Variants in TCERG1L observed in about 807,000 individuals in gnomAD.
TCERG1L encodes transcription elongation regulator 1-like protein.
TCERG1L carries 37 observed loss-of-function variants against 56.3 expected under a neutral mutation model. The observed-to-expected ratio is 0.66, with a 90% CI of 0.51 to 0.87. The LOEUF (loss-of-function observed/expected upper bound fraction) is 0.87. Ranked by LOEUF, TCERG1L falls within the 40% of genes least tolerant of loss-of-function variation. TCERG1L has a pLI of 0.00. For missense variants in TCERG1L, 799 were observed against 774.2 expected, an observed-to-expected ratio of 1.03 and a Z score of -0.38; for synonymous variants, 324 against 326.3, an observed-to-expected ratio of 0.99 and a Z score of 0.08.
At chr10:131,303,837 G>A (rs769427977) in intron 3 of TCERG1L, among the ~76,000 whole-genome samples, 4 of 151,820 alleles carry the variant, frequency 2.6e-5, no homozygotes, top group African/African-American at 9.7e-5. Context: ...ACTCTCTTTC[G>A]AGTTTATCTT....
At chr10:131,149,521 C>T (rs12240825) in intron 6 of TCERG1L, among the ~76,000 whole-genome samples, 30,684 of 152,108 alleles carry the variant, frequency 0.2, 3,437 homozygotes, top group East Asian at 0.35. Flanking sequence ...CACAATTCAG[C>T]TACTATATGA....
intron 4 of TCERG1L, among the ~76,000 whole-genome samples, chr10:131,239,988 C>A (rs1042578222): frequency 6.6e-6 from 1 of 152,142 alleles, no homozygotes; most frequent in Non-Finnish European, 1.5e-5. Context: ...CTTGTTCAGG[C>A]ACACACCCCG....
chr10:131,128,223 T>C (rs554095791), intron 8 of TCERG1L, among the ~76,000 whole-genome samples: 1 of 151,786 alleles, frequency 6.6e-6, no homozygotes, highest in South Asian at 2.1e-4. Flanking sequence ...ATAGAAGGAA[T>C]AGAAAGTGGG....
chr10:131,168,355 G>A (rs767873810), intron 4 of TCERG1L, among the ~76,000 whole-genome samples: 39 of 152,184 alleles, frequency 2.6e-4, no homozygotes, highest in Non-Finnish European at 4.7e-4. Flanking sequence ...GATTTGCATA[G>A]CTCTGCATGG....
At chr10:131,106,183 T>C (rs910446464) in intron 9 of TCERG1L, among the ~76,000 whole-genome samples, 18 of 152,240 alleles carry the variant, frequency 1.2e-4, no homozygotes, top group African/African-American at 3.4e-4. Flanking sequence ...TTTAAAAACA[T>C]GGACTATGTA....
intron 6 of TCERG1L, among the ~76,000 whole-genome samples, chr10:131,156,822 C>T (rs1845928393): frequency 6.6e-6 from 1 of 152,102 alleles, no homozygotes; most frequent in South Asian, 2.1e-4. Context: ...GTTGTGAGCC[C>T]TTAAAAGGGA....
chr10:131,304,164 A>AC (rs1218783033), intron 3 of TCERG1L, among the ~76,000 whole-genome samples: 1 of 152,026 alleles, frequency 6.6e-6, no homozygotes, highest in Admixed American at 6.5e-5. Context: ...AGGCAACGGG[A>AC]CATGGACAAC....
At chr10:131,302,535 T>G (rs1052147700) in intron 3 of TCERG1L, among the ~76,000 whole-genome samples, 13 of 152,028 alleles carry the variant, frequency 8.6e-5, no homozygotes, top group Admixed American at 3.3e-4. Flanking sequence ...CCATCTTTGG[T>G]AGGAGAAAAT....
chr10:131,114,915 C>T (rs1172004247), intron 9 of TCERG1L, among the ~76,000 whole-genome samples: 1 of 152,260 alleles, frequency 6.6e-6, no homozygotes. Flanking sequence ...GCCAGCCTGG[C>T]CAGGCCTATT....
intron 3 of TCERG1L, among the ~76,000 whole-genome samples, chr10:131,277,953 C>G (rs1846410471): frequency 6.6e-6 from 1 of 152,118 alleles, no homozygotes; most frequent in Non-Finnish European, 1.5e-5. Flanking sequence ...ATCCTGAGCT[C>G]TGGATTTCAT....
At chr10:131,273,384 C>A (rs992040863) in intron 3 of TCERG1L, among the ~76,000 whole-genome samples, 1 of 152,330 alleles carries the variant, frequency 6.6e-6, no homozygotes, top group Non-Finnish European at 1.5e-5. Flanking sequence ...TCCCAAAGCA[C>A]TCGCCTGCCT....
intron 4 of TCERG1L, among the ~76,000 whole-genome samples, chr10:131,196,641 C>T (rs945879671): frequency 4.6e-5 from 7 of 152,162 alleles, no homozygotes; most frequent in African/African-American, 9.7e-5. Context: ...CCCTGGAGCT[C>T]GGAGGCCACC....
Position 131,209,011 on chromosome 10 carries a change from T to C in TCERG1L, c.857-42126A>G, listed in dbSNP as rs189849186. On this transcript the variant is annotated intron_variant, in intron 4 of 11. Coordinates refer to ENST00000368642, the MANE Select transcript of TCERG1L (RefSeq NM_174937.4). ...AGGTGGAGGTTGCAGTGAGCTGAGA[T>C]TGCACCACTGCACTCCAGCCTGGGT... is the stretch of plus-strand genomic sequence containing the variant. Among the ~76,000 whole-genome samples the C allele has an allele frequency of 4.9e-3, 729 of 148,494 alleles. 3 individuals are homozygous for C. The highest frequency in any genetic ancestry group is 8.5e-3 in the Admixed American group (125 of 14,744).
chr10:131,282,088 AT>A (rs1331924916), intron 3 of TCERG1L, among the ~76,000 whole-genome samples: 3 of 147,764 alleles, frequency 2.0e-5, no homozygotes, highest in South Asian at 4.4e-4. Flanking sequence ...GTGAGCGGAG[AT>A]CACGCCACTG....
At chr10:131,305,681 T>C (rs914657906) in intron 3 of TCERG1L, among the ~76,000 whole-genome samples, 1 of 152,134 alleles carries the variant, frequency 6.6e-6, no homozygotes, top group Non-Finnish European at 1.5e-5. Context: ...TAGACCTGTT[T>C]ACAATGAGTG....
Position 131,260,165 on chromosome 10 carries a change from C to T in TCERG1L, c.856+94G>A. On this transcript the variant is annotated intron_variant, in intron 4 of 11. Coordinates refer to ENST00000368642, the MANE Select transcript of TCERG1L (RefSeq NM_174937.4). This position sits in a 1 kb window ranked among gnomAD's most constrained non-coding sequence, Gnocchi z 5.8. ...AACCGGAGCCGGGCTTCAGGTCCCA[C>T]AGCGCCTGGGCCCAGGCCAGGGGCA... 1 of 1,242,616 alleles carries T rather than the reference C, an allele frequency of 8.0e-7. No individual in the cohort carries two copies. The highest frequency in any genetic ancestry group is 1.0e-6 in the Non-Finnish European group (1 of 993,014). The allele number at this position is 1,242,616 out of a possible 1,614,324, so 77.0% of individuals were successfully genotyped here.
rs867104298 is a variant in TCERG1L at position 131,191,887 on chromosome 10, A to C, written c.857-25002T>G. ...CTCAAAAAAAAAAAAAAAAAAAAAAAAAGAAAAAAAGAAAAAGACCTGAAA... is the reference window on the plus strand; with the variant it reads ...CTCAAAAAAAAAAAAAAAAAAAAAACAAGAAAAAAAGAAAAAGACCTGAAA... On this transcript the variant is annotated intron_variant, in intron 4 of 11. Transcript: ENST00000368642. 5.6e-4 allele frequency among the ~76,000 whole-genome samples: 77 copies of C among 137,714 alleles called. 5 individuals carry two copies. In the Middle Eastern group the frequency reaches 0.023, roughly 41 times the overall value. 90.3% of individuals were successfully genotyped at this position (137,714 alleles called of 152,430 possible).
Position 131,266,193 on chromosome 10 carries a change from T to C in TCERG1L, c.671-5749A>G, listed in dbSNP as rs148846686. Among the ~76,000 whole-genome samples, 84 of 152,352 alleles carry C rather than the reference T, an allele frequency of 5.5e-4. 1 individual carries two copies. In the East Asian group the frequency reaches 0.011, roughly 20 times the overall value. On this transcript the variant is annotated intron_variant, in intron 3 of 11. Transcript: ENST00000368642. ...AAAGTTGTATTTGAGATTTCAGCAATTCAGTCACATCTTCAAGCTCCACTT... is the reference window on the plus strand; with the variant it reads ...AAAGTTGTATTTGAGATTTCAGCAACTCAGTCACATCTTCAAGCTCCACTT...
At chr10:131,146,766 C>T (rs898229502) in intron 6 of TCERG1L, 106 bp from the exon 7 acceptor site, 5 of 1,323,100 alleles carry the variant, frequency 3.8e-6, no homozygotes, top group Non-Finnish European at 5.2e-6. Flanking sequence ...GAAATCCACA[C>T]ATTTGCAAAG....
Sources: allele counts gnomAD v4.1 joint callset (sites outside exome capture counted in the v4.1 genomes callset), GRCh38; gene constraint gnomAD v4.1.1; non-coding constraint Gnocchi (gnomAD v3.1); transcripts MANE v1.5; gene names NCBI Gene and HGNC (gene_info 2026-07-23, HGNC 2026-07-21).